ITPR2: variants seen among roughly 807,000 people sequenced by gnomAD.
ITPR2 encodes the protein inositol 1,4,5-trisphosphate-gated calcium channel ITPR2.
A neutral mutation model predicts 317.1 loss-of-function variants in ITPR2; 207 were observed. The ratio of observed to expected loss-of-function variants is 0.65; its 90% CI spans 0.58 to 0.73. The LOEUF is 0.73. Ranked by LOEUF, ITPR2 falls within the 30% of genes least tolerant of loss-of-function variation. The probability of loss-of-function intolerance (pLI) is 0.00; values close to 1 mark genes in which losing one functional copy is unlikely to be tolerated. For synonymous variants in ITPR2, 1,156 were observed against 1,149.1 expected, an observed-to-expected ratio of 1.01 and a Z score of -0.12; for missense variants, 2,613 against 3,284.0, an observed-to-expected ratio of 0.80 and a Z score of 4.99.
At chr12:26,752,662 C>T (rs993287370) in intron 2 of ITPR2, among the ~76,000 whole-genome samples, 20 of 152,122 alleles carry the variant, frequency 1.3e-4, no homozygotes, top group African/African-American at 4.8e-4. Context: ...TATGGGGTAG[C>T]CATTGTTTTA....
intron 43 of ITPR2, among the ~76,000 whole-genome samples, chr12:26,479,846 G>A (rs73085257): frequency 0.054 from 8,207 of 152,194 alleles, 630 homozygotes; most frequent in African/African-American, 0.17. Context: ...GGCAGATGCT[G>A]GAGGATCACA....
At chr12:26,424,996 T>C (rs1941012802) in intron 49 of ITPR2, among the ~76,000 whole-genome samples, 2 of 151,902 alleles carry the variant, frequency 1.3e-5, no homozygotes, top group Non-Finnish European at 2.9e-5. Flanking sequence ...CCTGATCTAG[T>C]GTGATCCGCC....
rs148235157 is a variant in ITPR2 at position 26,724,462 on chromosome 12, C to A, written c.366+194G>T. On this transcript the variant is annotated intron_variant, in intron 4 of 56. Transcript: ENST00000381340. ...AAGATCACTTCTTTATGTGTAAAAT[C>A]AGATTTATTCTTAAACATACAGAAT... Among the ~76,000 whole-genome samples, 33 of 152,226 alleles carry A rather than the reference C, an allele frequency of 2.2e-4. No individual in the cohort carries two copies. The East Asian group carries it at 5.4e-3, about 25-fold the overall frequency.
At chr12:26,511,224 C>CTG (rs1943338627) in intron 37 of ITPR2, among the ~76,000 whole-genome samples, 2 of 152,160 alleles carry the variant, frequency 1.3e-5, no homozygotes, top group South Asian at 4.1e-4. Flanking sequence ...TCCTTCACAC[C>CTG]TGTGTGTGTG....
Position 26,628,146 on chromosome 12 carries a change from C to G in ITPR2, c.2951G>C (p.Arg984Thr), listed in dbSNP as rs770802515. The change falls in exon 23 of 57, where the codon AGA becomes ACA. Residue 984 changes from arginine (R) to threonine (T), a missense_variant. This residue lies in a region of ITPR2 where 817 missense variants were observed against 897.6 expected (regional missense o/e 0.91). Transcript: ENST00000381340. ...IEILQFILSV[R>T]LDYRISYMLS... Reference sequence around the variant, plus strand: ...CATATATGAGATCCTATAATCCAGTCTGACACTCAGGATAAACTATAAGAA... The same window carrying G: ...CATATATGAGATCCTATAATCCAGTGTGACACTCAGGATAAACTATAAGAA... 1.2e-6 allele frequency: 2 copies of G among 1,602,464 alleles called. No individual in the cohort carries two copies. The highest frequency in any genetic ancestry group is 1.7e-6 in the Non-Finnish European group (2 of 1,172,854).
chr12:26,516,382 A>T (rs988773996), intron 37 of ITPR2, among the ~76,000 whole-genome samples: 2 of 143,596 alleles, frequency 1.4e-5, no homozygotes, highest in Admixed American at 7.0e-5. Context: ...CTGAGGAACT[A>T]CTGTTATGAA....
At chr12:26,662,290 T>C (rs1947521265) in intron 15 of ITPR2, among the ~76,000 whole-genome samples, 1 of 152,198 alleles carries the variant, frequency 6.6e-6, no homozygotes, top group Non-Finnish European at 1.5e-5. Context: ...TCTTAAACTA[T>C]CACCTTGGAC....
At position 26,691,588 on chromosome 12, in the gene ITPR2, G is replaced by A. The variant is rs180700297; in HGVS notation, c.996+4018C>T. 2.0e-3 allele frequency among the ~76,000 whole-genome samples: 307 copies of A among 152,168 alleles called. 4 individuals carry two copies. The highest frequency in any genetic ancestry group is 6.9e-3 in the African/African-American group (285 of 41,528). On this transcript the variant is annotated intron_variant, in intron 10 of 56. Coordinates refer to ENST00000381340, the MANE Select transcript of ITPR2 (RefSeq NM_002223.4). ...CTCTCAAGTTGTACATGGAGAAAAT[G>A]CCCCTACGAAAAGCCAGCTGAGTCA...
intron 50 of ITPR2, among the ~76,000 whole-genome samples, chr12:26,416,321 G>C (rs1940718228): frequency 6.6e-6 from 1 of 152,092 alleles, no homozygotes; most frequent in South Asian, 2.1e-4. Flanking sequence ...ACATTAGAAA[G>C]TATGTGTTTT....
chr12:26,706,724 G>T (rs1340424349), intron 9 of ITPR2, among the ~76,000 whole-genome samples: 1 of 152,068 alleles, frequency 6.6e-6, no homozygotes, highest in African/African-American at 2.4e-5. Flanking sequence ...GCTAATAGCT[G>T]ATCAGTCCCA....
At chr12:26,723,116 G>T (rs1343037992) in intron 4 of ITPR2, among the ~76,000 whole-genome samples, 7 of 152,034 alleles carry the variant, frequency 4.6e-5, no homozygotes, top group Non-Finnish European at 1.0e-4. Context: ...TCACTTCTCA[G>T]ATTTTTTTGG....
At chr12:26,688,317 G>A (rs555962347) in intron 10 of ITPR2, among the ~76,000 whole-genome samples, 37 of 152,264 alleles carry the variant, frequency 2.4e-4, no homozygotes, top group Admixed American at 4.6e-4. Flanking sequence ...TGGGATTACA[G>A]GCGTGGGCCA....
chr12:26,362,420 C>T lies in ITPR2; in HGVS notation c.7858-22092G>A, dbSNP rs190611863. Among the ~76,000 whole-genome samples, 7 of 152,262 alleles carry T rather than the reference C, an allele frequency of 4.6e-5. No individual in the cohort carries two copies. The East Asian group carries it at 1.4e-3, about 29-fold the overall frequency. ...TCCCTGGGTCACATGCATCTGAGGG[C>T]CACTCAGATTTTTCTCTTAGTGCCT... is the stretch of plus-strand genomic sequence containing the variant. On this transcript the variant is annotated intron_variant, in intron 55 of 56. Transcript: ENST00000381340.
At chr12:26,786,604 T>G (rs1012031459) in intron 2 of ITPR2, among the ~76,000 whole-genome samples, 4 of 152,104 alleles carry the variant, frequency 2.6e-5, no homozygotes, top group African/African-American at 9.7e-5. Flanking sequence ...CCTTTGGAAA[T>G]TGTTTATTTG....
intron 49 of ITPR2, among the ~76,000 whole-genome samples, chr12:26,425,433 C>T (rs1343039849): frequency 1.3e-5 from 2 of 151,572 alleles, no homozygotes; most frequent in South Asian, 4.1e-4. Flanking sequence ...CTTTGGGAGG[C>T]CAAGGCGGGT....
intron 2 of ITPR2, among the ~76,000 whole-genome samples, chr12:26,776,432 G>C (rs917245168): frequency 6.6e-6 from 1 of 152,172 alleles, no homozygotes; most frequent in Non-Finnish European, 1.5e-5. Context: ...CTTATCTCCT[G>C]TAGAGAAAGA....
chr12:26,688,392 G>A (rs545372336), intron 10 of ITPR2, among the ~76,000 whole-genome samples: 1 of 152,122 alleles, frequency 6.6e-6, no homozygotes, highest in Admixed American at 6.5e-5. Flanking sequence ...CATTCCTTTG[G>A]TTGTTCTCAT....
At chr12:26,420,694 T>G (rs1940862727) in intron 49 of ITPR2, among the ~76,000 whole-genome samples, 1 of 152,196 alleles carries the variant, frequency 6.6e-6, no homozygotes, top group Admixed American at 6.5e-5. Flanking sequence ...TATGCTATTA[T>G]TAAGTATAGC....
At chr12:26,551,259 T>C (rs1434580459) in intron 36 of ITPR2, among the ~76,000 whole-genome samples, 4 of 152,160 alleles carry the variant, frequency 2.6e-5, no homozygotes, top group African/African-American at 9.7e-5. Flanking sequence ...CAAGTGCTTA[T>C]CAGGTGTCAG....
Sources: gnomAD v4.1 joint callset for allele counts (sites outside exome capture counted in the v4.1 genomes callset) on GRCh38, gnomAD v4.1.1 for gene constraint, gnomAD v4.1.1 regional missense constraint, MANE v1.5 for transcripts, NCBI Gene and HGNC (gene_info 2026-07-23, HGNC 2026-07-21) for gene names.